Variants in MYO7A observed in about 807,000 individuals in gnomAD.
MYO7A encodes the protein unconventional myosin-VIIa.
In MYO7A, 210 loss-of-function variants were observed where a neutral mutation model predicts 263.8. That is an observed-to-expected ratio of 0.80 (90% CI 0.71 to 0.89). The LOEUF is 0.89. MYO7A is among the 40% of genes least tolerant of loss of function. The pLI is 0.00. For missense variants in MYO7A, 2,820 were observed against 2,968.3 expected (o/e 0.95, Z 1.16); for synonymous variants, 1,239 against 1,197.3 (o/e 1.03, Z -0.72).
chr11:77,150,587 T>C (rs1203818770), intron 4 of MYO7A, among the ~76,000 whole-genome samples: 2 of 152,092 alleles, frequency 1.3e-5, no homozygotes, highest in Non-Finnish European at 2.9e-5. Flanking sequence ...CCTTTCTGAC[T>C]TATTTTCTGG....
At chr11:77,174,952 TC>T (rs1263130878) in intron 17 of MYO7A, 38 bp downstream of exon 17, 3 of 1,594,838 alleles carry the variant, frequency 1.9e-6, no homozygotes, top group Admixed American at 1.7e-5. Flanking sequence ...GAGGGGAGGG[TC>T]CCAGCTTTGG....
chr11:77,154,324 G>A (rs1345032622), intron 4 of MYO7A, among the ~76,000 whole-genome samples: 1 of 152,152 alleles, frequency 6.6e-6, no homozygotes, highest in Non-Finnish European at 1.5e-5. Flanking sequence ...CCCATGGCTG[G>A]GCAGGGCTGA....
At chr11:77,142,454 C>T in intron 2 of MYO7A, 2 of 538,132 alleles carry the variant, frequency 3.7e-6, no homozygotes, top group South Asian at 3.1e-5. Context: ...CCTTGGCTCT[C>T]TCTGAGCCTC....
chr11:77,160,273 C>T lies in MYO7A; in HGVS notation c.1191C>T (p.Ala397=), dbSNP rs557165173. The T allele has an allele frequency of 1.0e-5, 16 of 1,563,390 alleles. No homozygotes were observed. The African/African-American group carries it at 2.0e-4, about 20-fold the overall frequency. The part of the protein sequence containing the change: ...SREQALDVRD[A]FVKGIYGRLF... ...AACAGGCACTGGACGTGCGCGACGC[C>T]TTCGTAAAGGTGGGCTGGAGGGAAG... The change falls in exon 11 of 49, where the codon GCC becomes GCT. Residue 397 remains alanine, a synonymous_variant. Transcript: ENST00000409709.
chr11:77,209,090 T>G (rs1957686729), intron 44 of MYO7A: 7 of 393,366 alleles, frequency 1.8e-5, no homozygotes, highest in Non-Finnish European at 2.3e-5. Flanking sequence ...ACTTCGAGAT[T>G]CTGCTGTTGT....
At chr11:77,174,693 C>A in intron 16 of MYO7A, 63 bp from the exon 17 acceptor site, 1 of 1,510,524 alleles carries the variant, frequency 6.6e-7, no homozygotes, top group Non-Finnish European at 8.9e-7. Context: ...TGGTCAAGTG[C>A]ACAGCAGGGC....
At chr11:77,152,215 T>C (rs1275921918) in intron 4 of MYO7A, among the ~76,000 whole-genome samples, 1 of 152,280 alleles carries the variant, frequency 6.6e-6, no homozygotes, top group Non-Finnish European at 1.5e-5. Flanking sequence ...CATACATACA[T>C]AAAAAATTAT....
intron 24 of MYO7A, 67 bp from the exon 25 acceptor site, chr11:77,182,357 C>T (rs923642444): frequency 2.0e-6 from 3 of 1,517,212 alleles, no homozygotes; most frequent in African/African-American, 2.8e-5. Flanking sequence ...CCCCAAACCG[C>T]CAGGTCATTT....
intron 2 of MYO7A, among the ~76,000 whole-genome samples, chr11:77,135,015 C>T (rs1950871128): frequency 6.6e-6 from 1 of 151,922 alleles, no homozygotes; most frequent in South Asian, 2.1e-4. Flanking sequence ...GAACCCCTGA[C>T]CTCAGGTGAT....
chr11:77,190,594 G>GGGGC, intron 29 of MYO7A, 103 bp from the exon 30 acceptor site: 46 of 1,219,860 alleles, frequency 3.8e-5, no homozygotes, highest in Non-Finnish European at 4.6e-5. Flanking sequence ...GGCCTGGGGT[G>GGGGC]CTGGGGCACC....
At chr11:77,165,247 G>A (rs534403145) in intron 14 of MYO7A, among the ~76,000 whole-genome samples, 39 of 152,226 alleles carry the variant, frequency 2.6e-4, no homozygotes, top group Non-Finnish European at 5.3e-4. Flanking sequence ...TTCATGGGCA[G>A]CCTATGTCCT....
chr11:77,207,139 T>A, intron 41 of MYO7A, 150 bp from the exon 42 acceptor site: 1 of 581,046 alleles, frequency 1.7e-6, no homozygotes, highest in Non-Finnish European at 3.0e-6. Context: ...AGCCCTTTCC[T>A]TTTGTTAAAT....
intron 22 of MYO7A, 48 bp from the exon 23 acceptor site, chr11:77,181,332 G>T (rs1591377515): frequency 1.3e-6 from 2 of 1,498,342 alleles, no homozygotes; most frequent in East Asian, 2.5e-5. Context: ...CTGAGGCTGT[G>T]GCACCGGGGG....
In MYO7A at chr11:77,214,662, T is replaced by C; in HGVS notation, c.6614T>C (p.Met2205Thr). ...TSYISQMLTA[M>T]SKQRGSRSGK ...TACATTAGCCAGATGCTCACAGCCA[T>C]GAGCAAACAGCGGGGCTCCAGGAGC... Residue 2205 changes from methionine to threonine, a missense_variant, in exon 49 of 49, where the codon ATG (methionine) becomes ACG (threonine). Transcript: ENST00000409709. The C allele has an allele frequency of 1.9e-6, 3 of 1,588,486 alleles. No homozygotes were observed. Among genetic ancestry groups the C allele is most frequent in the Non-Finnish European group, 2.6e-6 (3 of 1,167,492 alleles).
At chr11:77,133,200 C>T (rs1462375633) in intron 2 of MYO7A, among the ~76,000 whole-genome samples, 1 of 152,176 alleles carries the variant, frequency 6.6e-6, no homozygotes, top group Non-Finnish European at 1.5e-5. Context: ...CTGCAGCAGC[C>T]TCTCATGAAC....
At position 77,142,696 on chromosome 11, in the gene MYO7A, C is replaced by G. The variant is rs375479271; in HGVS notation, c.19-13C>G. 1.3e-6 allele frequency: 2 copies of G among 1,597,930 alleles called. No homozygotes were observed. Among genetic ancestry groups the G allele is most frequent in the South Asian group, 2.3e-5 (2 of 88,124 alleles). ...CCCTGCTCACCTGGGCTGAGACTCT[C>G]TCTCGCCCATAGGGGGACCATGTGT... is the stretch of plus-strand genomic sequence containing the variant. On this transcript the variant is annotated splice_polypyrimidine_tract_variant and intron_variant, in intron 2 of 48. Coordinates refer to ENST00000409709, the MANE Select transcript of MYO7A (RefSeq NM_000260.4).
At chr11:77,196,024 C>T (rs1184677146) in intron 32 of MYO7A, among the ~76,000 whole-genome samples, 1 of 152,208 alleles carries the variant, frequency 6.6e-6, no homozygotes, top group African/African-American at 2.4e-5. Flanking sequence ...GGGCACGGGA[C>T]ATATTGGATT....
Position 77,175,604 on chromosome 11 carries a change from G to A in MYO7A, c.2187+140G>A, listed in dbSNP as rs571991876. ...GGCTGTGGTGTGGCTGGAGGAGCAG[G>A]TGGGATCTGGCCTCTCTGGTGGGGA... On this transcript the variant is annotated intron_variant, in intron 18 of 48. Coordinates refer to ENST00000409709, the MANE Select transcript of MYO7A (RefSeq NM_000260.4). 3.1e-4 allele frequency: 253 copies of A among 813,858 alleles called. 1 individual carries two copies. The highest frequency in any genetic ancestry group is 5.0e-4 in the Non-Finnish European group (241 of 484,872). The allele number at this position is 813,858 out of a possible 1,614,324, so 50.4% of individuals were successfully genotyped here.
rs568729085 is a variant in MYO7A at position 77,189,316 on chromosome 11, C to T, written c.3504-28C>T. Reference sequence around the variant, plus strand: ...CGGGGCTGTTCCTGTGGGGTGATTCCCCCTCCCTTGCCCTGCTGCCTGCCC... The same window carrying T: ...CGGGGCTGTTCCTGTGGGGTGATTCTCCCTCCCTTGCCCTGCTGCCTGCCC... On this transcript the variant is annotated intron_variant, in intron 27 of 48. Transcript: ENST00000409709. The T allele has an allele frequency of 6.2e-6, 10 of 1,611,650 alleles. No homozygotes were observed. The South Asian group carries it at 9.9e-5, about 16-fold the overall frequency.
Sources: allele counts gnomAD v4.1 joint callset (sites outside exome capture counted in the v4.1 genomes callset), GRCh38; gene constraint gnomAD v4.1.1; transcripts MANE v1.5; gene names NCBI Gene and HGNC (gene_info 2026-07-23, HGNC 2026-07-21).